The following COL11A1 variants were observed in gnomAD, a reference collection of about 807,000 sequenced individuals.
The protein encoded by COL11A1 is collagen type XI alpha 1 chain.
COL11A1 carries 74 observed loss-of-function variants against 265.2 expected under a neutral mutation model. The ratio of observed to expected loss-of-function variants is 0.28; its 90% CI spans 0.23 to 0.34. The LOEUF is 0.34. Among genes scored for constraint, COL11A1 ranks in the 10% least tolerant of loss-of-function variants. The probability of loss-of-function intolerance (pLI) is 1.00; values close to 1 mark genes in which losing one functional copy is unlikely to be tolerated. For missense variants in COL11A1, 2,165 were observed against 2,263.6 expected (o/e 0.96, Z 0.88); for synonymous variants, 816 against 727.6 (o/e 1.12, Z -1.96).
intron 1 of COL11A1, among the ~76,000 whole-genome samples, chr1:103,094,303 A>G (rs1169464136): frequency 1.3e-5 from 2 of 152,178 alleles, no homozygotes; most frequent in African/African-American, 2.4e-5. Context: ...GCAGTGTCAG[A>G]AAACAAATTG....
chr1:103,072,873 C>A (rs1294469755), intron 4 of COL11A1, among the ~76,000 whole-genome samples: 5 of 151,704 alleles, frequency 3.3e-5, no homozygotes, highest in African/African-American at 1.2e-4. Flanking sequence ...AAGATTCCTA[C>A]TCTACAGACT....
intron 62 of COL11A1, among the ~76,000 whole-genome samples, chr1:102,888,112 T>C (rs1292115289): frequency 1.3e-5 from 2 of 152,180 alleles, no homozygotes; most frequent in African/African-American, 4.8e-5. Context: ...CATGGACCTA[T>C]ATTTTAATTC....
At chr1:102,991,968 C>T (rs1028786972) in intron 28 of COL11A1, among the ~76,000 whole-genome samples, 16 of 151,950 alleles carry the variant, frequency 1.1e-4, no homozygotes, top group South Asian at 2.1e-4. Context: ...CTATTGACAA[C>T]GTCTTCATTA....
At chr1:103,080,341 A>T (rs542374872) in intron 2 of COL11A1, among the ~76,000 whole-genome samples, 61 of 152,094 alleles carry the variant, frequency 4.0e-4, no homozygotes, top group Admixed American at 1.4e-3. Context: ...TTAACTAAAA[A>T]GTATTTACAA....
intron 49 of COL11A1, among the ~76,000 whole-genome samples, chr1:102,920,000 G>A (rs1655790581): frequency 6.6e-6 from 1 of 151,944 alleles, no homozygotes. Context: ...AATCTTTGAT[G>A]AAATTACAGG....
intron 47 of COL11A1, among the ~76,000 whole-genome samples, chr1:102,922,685 C>T (rs113678156): frequency 0.11 from 17,372 of 152,234 alleles, 1,086 homozygotes; most frequent in East Asian, 0.21. Flanking sequence ...AGGCGTGAGC[C>T]ACCGCTCCCG....
intron 20 of COL11A1, 58 bp downstream of exon 20, chr1:103,004,386 C>A (rs906444653): frequency 1.1e-5 from 13 of 1,221,810 alleles, no homozygotes; most frequent in Admixed American, 1.0e-4. Context: ...TGTGTAACAC[C>A]AGTCACTAGT....
intron 57 of COL11A1, among the ~76,000 whole-genome samples, chr1:102,891,286 C>T (rs1051140932): frequency 6.6e-6 from 1 of 152,002 alleles, no homozygotes; most frequent in Admixed American, 6.6e-5. Context: ...TTTCTCTAAG[C>T]TAAAGTATAA....
intron 9 of COL11A1, among the ~76,000 whole-genome samples, chr1:103,021,209 T>C (rs1383073087): frequency 6.6e-6 from 1 of 151,464 alleles, no homozygotes; most frequent in African/African-American, 2.4e-5. Context: ...AAAAGATTAA[T>C]TTGGAGTGAA....
intron 47 of COL11A1, 85 bp from the exon 48 acceptor site, chr1:102,921,656 A>G (rs942965141): frequency 4.2e-6 from 5 of 1,181,330 alleles, no homozygotes; most frequent in Middle Eastern, 2.0e-4. Flanking sequence ...AAAATCTAAA[A>G]GAAGTTTAAG....
At position 102,965,526 on chromosome 1, in the gene COL11A1, C is replaced by A; in HGVS notation, c.2877G>T (p.Lys959Asn). Residue 959 changes from lysine (K) to asparagine (N), a missense_variant, in exon 38 of 67, where the codon AAG (lysine) becomes AAT (asparagine). Lys to Asn is a moderately conservative substitution (Grantham distance 94). Transcript: ENST00000370096. ...GQRGETGFQGKTGPPGPGGVV... is the reference protein window; with the variant it reads ...GQRGETGFQGNTGPPGPGGVV... ...CTCCCCCTGGCCCAGGAGGGCCGGT[C>A]TTGCCTTGAAATCCCTAAGGAGGCA... The A allele has an allele frequency of 1.2e-6, 2 of 1,613,586 alleles. No individual in the cohort carries two copies. The highest frequency in any genetic ancestry group is 1.3e-5 in the African/African-American group (1 of 75,032).
chr1:102,912,022 T>C (rs1285034958), intron 54 of COL11A1, 137 bp downstream of exon 54: 5 of 737,582 alleles, frequency 6.8e-6, no homozygotes, highest in Non-Finnish European at 1.1e-5. Context: ...ATTTGGCACA[T>C]TTAAAAATTG....
chr1:103,001,136 T>A (rs1013426458), intron 24 of COL11A1: 7 of 397,496 alleles, frequency 1.8e-5, no homozygotes, highest in Non-Finnish European at 4.4e-6. Context: ...AAACATGGAC[T>A]GAATATTAAC....
chr1:103,077,561 G>C (rs1229943343), intron 3 of COL11A1, among the ~76,000 whole-genome samples: 1 of 152,016 alleles, frequency 6.6e-6, no homozygotes, highest in Non-Finnish European at 1.5e-5. Flanking sequence ...ACTGAGACTT[G>C]AGAGTTTCTC....
chr1:102,968,531 A>C (rs1010832991), intron 37 of COL11A1, among the ~76,000 whole-genome samples: 3 of 152,224 alleles, frequency 2.0e-5, no homozygotes, highest in Non-Finnish European at 4.4e-5. Flanking sequence ...GACAAATCTC[A>C]AATATAATTC....
At chr1:102,883,071 T>C (rs1397134786) in intron 64 of COL11A1, 128 bp downstream of exon 64, 8 of 722,336 alleles carry the variant, frequency 1.1e-5, no homozygotes, top group Admixed American at 2.0e-5. Context: ...GCAAATGAAG[T>C]ACTCTAATTA....
intron 49 of COL11A1, among the ~76,000 whole-genome samples, chr1:102,916,840 T>G (rs1655395046): frequency 6.6e-6 from 1 of 151,942 alleles, no homozygotes; most frequent in Non-Finnish European, 1.5e-5. Context: ...AAAATTGCAT[T>G]TATATTATTT....
intron 41 of COL11A1, among the ~76,000 whole-genome samples, chr1:102,953,109 G>A (rs1570845832): frequency 6.6e-6 from 1 of 152,056 alleles, no homozygotes; most frequent in East Asian, 1.9e-4. Context: ...AGACATTTTT[G>A]TATTGCTGTA....
chr1:103,001,063 C>G (rs1665054421), intron 24 of COL11A1: 1 of 396,176 alleles, frequency 2.5e-6, no homozygotes, highest in African/African-American at 2.1e-5. Flanking sequence ...ATGAAATATT[C>G]AGAAAACTCA....
Sources: gnomAD v4.1 joint callset for allele counts (sites outside exome capture counted in the v4.1 genomes callset) on GRCh38, gnomAD v4.1.1 for gene constraint, MANE v1.5 for transcripts, NCBI Gene and HGNC (gene_info 2026-07-23, HGNC 2026-07-21) for gene names.